The following RDH12 variants were observed in gnomAD, a reference collection of about 807,000 sequenced individuals.
The protein encoded by RDH12 is retinol dehydrogenase 12, also known as all-trans and 9-cis retinol dehydrogenase.
Under a neutral mutation model 34.0 loss-of-function variants are expected in RDH12, and 21 were observed. That is an observed-to-expected ratio of 0.62 (90% CI 0.44 to 0.89). The LOEUF (loss-of-function observed/expected upper bound fraction) is 0.89. Ranked by LOEUF, RDH12 falls within the 40% of genes least tolerant of loss-of-function variation. RDH12 has a pLI of 0.00. For synonymous variants in RDH12, 198 were observed against 169.9 expected, an observed-to-expected ratio of 1.17 and a Z score of -1.29; for missense variants, 394 against 398.6, an observed-to-expected ratio of 0.99 and a Z score of 0.10.
At chr14:67,727,432 A>C in intron 7 of RDH12, 57 of 467,222 alleles carry the variant, frequency 1.2e-4, no homozygotes, top group East Asian at 2.0e-4. Flanking sequence ...CTCTTATCTC[A>C]TTTGATTTTC....
chr14:67,718,976 AG>A (rs1221339530), intron 1 of RDH12, among the ~76,000 whole-genome samples: 1 of 152,240 alleles, frequency 6.6e-6, no homozygotes, highest in Admixed American at 6.5e-5. Context: ...AATTGATAAA[AG>A]TTTATTGGAA....
chr14:67,719,022 A>G (rs1020575317), intron 1 of RDH12, among the ~76,000 whole-genome samples: 3 of 152,254 alleles, frequency 2.0e-5, no homozygotes, highest in Admixed American at 2.0e-4. Context: ...AAGATACACC[A>G]ACAAAGTTGG....
intron 1 of RDH12, among the ~76,000 whole-genome samples, chr14:67,712,508 A>G (rs1380503866): frequency 7.5e-6 from 1 of 133,348 alleles, no homozygotes. Flanking sequence ...AAAAAAAAAA[A>G]AAAAAAAAAG....
rs1311498730 is a variant in RDH12 at position 67,722,562 on chromosome 14, G to A, written c.-81G>A. On this transcript the variant is annotated 5_prime_UTR_variant, in exon 3 of 9. Transcript: ENST00000551171. ...GCAGCAGAAGCAGCCAAGAGCTGGA[G>A]CCAGACCAGGAACCTGAGCCAGAGC... 3 of 1,202,408 alleles carry A rather than the reference G, an allele frequency of 2.5e-6. No individual in the cohort carries two copies. Among genetic ancestry groups the A allele is most frequent in the Non-Finnish European group, 3.7e-6 (3 of 804,592 alleles). The allele number at this position is 1,202,408 out of a possible 1,614,324, so 74.5% of individuals were successfully genotyped here.
intron 7 of RDH12, among the ~76,000 whole-genome samples, chr14:67,728,640 A>G (rs928687616): frequency 2.0e-5 from 3 of 150,222 alleles, no homozygotes; most frequent in Non-Finnish European, 4.4e-5. Context: ...CATTTAAAGC[A>G]TGTTGTATGG....
At chr14:67,714,466 C>T (rs2038045215) in intron 1 of RDH12, 1 of 152,250 alleles carries the variant, frequency 6.6e-6, no homozygotes, top group Admixed American at 6.5e-5. Context: ...AATATTTACT[C>T]ATAGTTTTAT....
intron 1 of RDH12, among the ~76,000 whole-genome samples, chr14:67,708,886 A>G (rs2140111783): frequency 6.7e-6 from 1 of 149,440 alleles, no homozygotes; most frequent in African/African-American, 2.5e-5. Context: ...TCTGCCCCTC[A>G]GGTTCAAGTG....
At position 67,705,547 on chromosome 14, in the gene RDH12, T is replaced by A. The variant is rs1056728203; in HGVS notation, c.-275+3612T>A. On this transcript the variant is annotated intron_variant, in intron 1 of 8. Transcript: ENST00000551171. ...TATCACAACTAAATGCAATGTGGGG[T>A]CCTGAATTCAATCCTGGACCAGAAA... is the stretch of plus-strand genomic sequence containing the variant. 8.5e-5 allele frequency among the ~76,000 whole-genome samples: 13 copies of A among 152,186 alleles called. No homozygotes were observed. The East Asian group carries it at 2.5e-3, about 29-fold the overall frequency.
chr14:67,731,365 C>A (rs2038272764), intron 8 of RDH12, among the ~76,000 whole-genome samples: 1 of 151,794 alleles, frequency 6.6e-6, no homozygotes, highest in Non-Finnish European at 1.5e-5. Context: ...CAGGTGCATG[C>A]CACGACGCCC....
Position 67,725,206 on chromosome 14 carries a change from C to T in RDH12, c.295C>T (p.Leu99=). ...NSQVLVRKLD[L]SDTKSIRAFA... ...CCAGGTGCTGGTGCGGAAATTGGACCTATCCGACACCAAATCTATCCGAGC... is the reference window on the plus strand; with the variant it reads ...CCAGGTGCTGGTGCGGAAATTGGACTTATCCGACACCAAATCTATCCGAGC... Residue 99 remains leucine, a synonymous_variant, in exon 5 of 9, where the codon CTA becomes TTA. Transcript: ENST00000551171. 1.2e-6 allele frequency: 2 copies of T among 1,614,048 alleles called. No individual in the cohort carries two copies. Among genetic ancestry groups the T allele is most frequent in the Non-Finnish European group, 8.5e-7 (1 of 1,180,038 alleles).
At chr14:67,720,461 A>G (rs567799278) in intron 1 of RDH12, among the ~76,000 whole-genome samples, 1 of 152,272 alleles carries the variant, frequency 6.6e-6, no homozygotes, top group African/African-American at 2.4e-5. Context: ...TTAATACTTC[A>G]GTGGTTTCAT....
At chr14:67,715,580 C>A (rs2038059437) in intron 1 of RDH12, among the ~76,000 whole-genome samples, 1 of 152,218 alleles carries the variant, frequency 6.6e-6, no homozygotes, top group Admixed American at 6.5e-5. Context: ...AATTTCCCAA[C>A]ATTTAATTGC....
At chr14:67,702,546 C>G (rs527893002) in intron 1 of RDH12, among the ~76,000 whole-genome samples, 1 of 152,196 alleles carries the variant, frequency 6.6e-6, no homozygotes, top group South Asian at 2.1e-4. Context: ...ATAAATCTGA[C>G]CATAAATCTA....
intron 1 of RDH12, among the ~76,000 whole-genome samples, chr14:67,715,961 C>T (rs554511273): frequency 6.5e-4 from 99 of 152,144 alleles, no homozygotes; most frequent in African/African-American, 2.3e-3. Context: ...TTTGGGAGGC[C>T]GAGGCGGGCG....
chr14:67,726,186 G>A (rs1192574536), intron 6 of RDH12, 31 bp downstream of exon 6: 2 of 1,235,124 alleles, frequency 1.6e-6, no homozygotes, highest in Non-Finnish European at 2.4e-6. Context: ...AAAAAATGAG[G>A]TACACCCACT....
intron 1 of RDH12, among the ~76,000 whole-genome samples, chr14:67,720,392 C>T (rs2038111110): frequency 6.6e-6 from 1 of 152,086 alleles, no homozygotes; most frequent in South Asian, 2.1e-4. Flanking sequence ...TTTTAGTTTT[C>T]AGTTTCCTGT....
In RDH12 at chr14:67,726,068, A is replaced by G. The variant is rs765170319; in HGVS notation, c.361A>G (p.Ile121Val). 3 of 1,613,872 alleles carry G rather than the reference A, an allele frequency of 1.9e-6. No homozygotes were observed. ...GFLAEEKQLH[I>V]LINNAGVMMC... ...CCCTATAGAGGAAAAGCAGCTCCAT[A>G]TTCTGATCAACAATGCGGGAGTAAT... The change falls in exon 6 of 9, where the codon ATT (isoleucine) becomes GTT (valine). Residue 121 changes from isoleucine (I) to valine (V), a missense_variant. Transcript: ENST00000551171.
rs892981694 is a variant in RDH12 at position 67,734,151 on chromosome 14, G to A, written c.*303G>A. The A allele has an allele frequency of 1.6e-4, 52 of 333,146 alleles. No individual in the cohort carries two copies. The highest frequency in any genetic ancestry group is 8.5e-4 in the African/African-American group (40 of 46,786). 20.6% of individuals were successfully genotyped at this position (333,146 alleles called of 1,614,324 possible). A position where few individuals can be genotyped will look rare whatever the true frequency, so the allele number is the denominator to read the frequency against. ...GGGCATGGGGGTGGCAGAAGAGCCC[G>A]AGAAATTGGGTCAGTTCCCTCATCA... is the stretch of plus-strand genomic sequence containing the variant. On this transcript the variant is annotated 3_prime_UTR_variant, in exon 9 of 9. Coordinates refer to ENST00000551171, the MANE Select transcript of RDH12 (RefSeq NM_152443.3).
At position 67,717,252 on chromosome 14, in the gene RDH12, T is replaced by C. The variant is rs113253581; in HGVS notation, c.-274-3596T>C. On this transcript the variant is annotated intron_variant, in intron 1 of 8. Coordinates refer to ENST00000551171, the MANE Select transcript of RDH12 (RefSeq NM_152443.3). Reference sequence around the variant, plus strand: ...TGTAACCCAAAGTCCTGTTGAGAGATAGAACATTTCCATCACCTCAGAAAG... The same window carrying C: ...TGTAACCCAAAGTCCTGTTGAGAGACAGAACATTTCCATCACCTCAGAAAG... Among the ~76,000 whole-genome samples, 524 of 152,346 alleles carry C rather than the reference T, an allele frequency of 3.4e-3. 3 individuals carry two copies. Among genetic ancestry groups the C allele is most frequent in the African/African-American group, 0.012 (504 of 41,572 alleles).
Sources: gnomAD v4.1 joint callset for allele counts (sites outside exome capture counted in the v4.1 genomes callset) on GRCh38, gnomAD v4.1.1 for gene constraint, MANE v1.5 for transcripts, NCBI Gene and HGNC (gene_info 2026-07-23, HGNC 2026-07-21) for gene names.